Variants in KCNJ6 observed in about 807,000 individuals in gnomAD.
The protein encoded by KCNJ6 is potassium inwardly rectifying channel subfamily J member 6, also known as G protein-activated inward rectifier potassium channel 2.
KCNJ6 carries 9 observed loss-of-function variants against 34.2 expected under a neutral mutation model. That is an observed-to-expected ratio of 0.26 (90% CI 0.16 to 0.46). KCNJ6 has a LOEUF of 0.46. Among genes scored for constraint, KCNJ6 ranks in the 20% least tolerant of loss-of-function variants. KCNJ6 has a pLI of 1.00. For missense variants in KCNJ6, 236 were observed against 531.3 expected, an observed-to-expected ratio of 0.44 and a Z score of 5.46; for synonymous variants, 196 against 207.1, an observed-to-expected ratio of 0.95 and a Z score of 0.46.
At chr21:37,630,134 C>CTGTG (rs10527592) in intron 3 of KCNJ6, among the ~76,000 whole-genome samples, 2,992 of 144,216 alleles carry the variant, frequency 0.021, 105 homozygotes, top group African/African-American at 0.072. Flanking sequence ...GATGACATCT[C>CTGTG]TGTGTGTGTG....
chr21:37,646,479 C>G (rs1426581812), intron 3 of KCNJ6, among the ~76,000 whole-genome samples: 1 of 152,116 alleles, frequency 6.6e-6, no homozygotes, highest in Non-Finnish European at 1.5e-5. Context: ...CGAGCGGGAG[C>G]TGAGTAACAG....
At chr21:37,863,410 T>G (rs1332563829) in intron 1 of KCNJ6, among the ~76,000 whole-genome samples, 2 of 152,150 alleles carry the variant, frequency 1.3e-5, no homozygotes. Flanking sequence ...CAACTTTGAT[T>G]TATTGCAAAT....
chr21:37,736,926 A>G (rs2054916132), intron 2 of KCNJ6, among the ~76,000 whole-genome samples: 1 of 152,132 alleles, frequency 6.6e-6, no homozygotes, highest in Admixed American at 6.5e-5. Flanking sequence ...CTTAGACACG[A>G]GTTGCTGCGC....
chr21:37,851,776 C>T (rs1434208742), intron 1 of KCNJ6, among the ~76,000 whole-genome samples: 7 of 150,852 alleles, frequency 4.6e-5, no homozygotes, highest in African/African-American at 1.7e-4. Context: ...CTAAGCACAA[C>T]AAAAAAATCC....
intron 1 of KCNJ6, among the ~76,000 whole-genome samples, chr21:37,856,986 C>G (rs2055568574): frequency 6.6e-6 from 1 of 152,144 alleles, no homozygotes; most frequent in Non-Finnish European, 1.5e-5. Context: ...GCTTGTGGCT[C>G]TTCTGAGCCT....
chr21:37,793,638 G>A (rs2055227805), intron 2 of KCNJ6, among the ~76,000 whole-genome samples: 1 of 151,178 alleles, frequency 6.6e-6, no homozygotes, highest in Admixed American at 6.6e-5. Context: ...TGTGATGTGT[G>A]TTATTATTGC....
chr21:37,637,817 T>C (rs1240930245), intron 3 of KCNJ6, among the ~76,000 whole-genome samples: 1 of 152,206 alleles, frequency 6.6e-6, no homozygotes, highest in Non-Finnish European at 1.5e-5. Flanking sequence ...ATGTGTACGC[T>C]CTTTCTACAT....
At chr21:37,812,098 C>T (rs115502842) in intron 2 of KCNJ6, among the ~76,000 whole-genome samples, 295 of 152,220 alleles carry the variant, frequency 1.9e-3, no homozygotes, top group African/African-American at 6.9e-3. Flanking sequence ...TTCTGACCCC[C>T]GTGAAATTGG....
intron 2 of KCNJ6, among the ~76,000 whole-genome samples, chr21:37,753,136 C>T (rs1166677253): frequency 6.6e-6 from 1 of 152,136 alleles, no homozygotes; most frequent in Non-Finnish European, 1.5e-5. Context: ...CACAGGGTGG[C>T]AAATGCCTGC....
In KCNJ6 at chr21:37,916,127, C is replaced by T. The variant is rs1390094207; in HGVS notation, c.-271G>A. The T allele has an allele frequency of 6.6e-6, 1 of 152,482 alleles. No individual in the cohort carries two copies. Among genetic ancestry groups the T allele is most frequent in the Admixed American group, 6.5e-5 (1 of 15,290 alleles). The allele number at this position is 152,482 out of a possible 1,614,324, so 9.4% of individuals were successfully genotyped here. ...TTCCCGGCGTCCGCGGGTCTCCACC[C>T]CTCCGCCCGCCCAGCCTCTCCAGCC... On this transcript the variant is annotated 5_prime_UTR_variant, in exon 1 of 4. Transcript: ENST00000609713.
rs1163766022 is a variant in KCNJ6, at chr21:37,709,104, A to C, written c.946+5107T>G. ...TTAAAATTCATGTCAATGTCTACGT[A>C]ATTTAAAAATGAATTGATAACATTT... On this transcript the variant is annotated intron_variant, in intron 3 of 3. Coordinates refer to ENST00000609713, the MANE Select transcript of KCNJ6 (RefSeq NM_002240.5). Among the ~76,000 whole-genome samples, 9 of 151,728 alleles carry C rather than the reference A, an allele frequency of 5.9e-5. No homozygotes were observed. The South Asian group carries it at 1.3e-3, about 21-fold the overall frequency.
chr21:37,809,966 T>C (rs1452727883), intron 2 of KCNJ6, among the ~76,000 whole-genome samples: 1 of 152,218 alleles, frequency 6.6e-6, no homozygotes, highest in Non-Finnish European at 1.5e-5. Context: ...TTTATGTGAG[T>C]GAGAAATAGG....
At chr21:37,642,172 G>A (rs796203475) in intron 3 of KCNJ6, among the ~76,000 whole-genome samples, 22 of 152,320 alleles carry the variant, frequency 1.4e-4, no homozygotes, top group South Asian at 1.0e-3. Flanking sequence ...CATACACAGT[G>A]GGGATATCAG....
Position 37,615,550 on chromosome 21 carries a change from C to G in KCNJ6, c.*9609G>C, listed in dbSNP as rs1263778413. 1 of 152,112 alleles carries G rather than the reference C, an allele frequency of 6.6e-6. No homozygotes were observed. The highest frequency in any genetic ancestry group is 1.5e-5 in the Non-Finnish European group (1 of 68,030). The allele number at this position is 152,112 out of a possible 1,614,324, so 9.4% of individuals were successfully genotyped here. A position where few individuals can be genotyped will look rare whatever the true frequency, so the allele number is the denominator to read the frequency against. On this transcript the variant is annotated 3_prime_UTR_variant, in exon 4 of 4. Coordinates refer to ENST00000609713, the MANE Select transcript of KCNJ6 (RefSeq NM_002240.5). Reference sequence around the variant, plus strand: ...AGTTTCAGTGGTAAATTCCACTTTACCTTTTATGCCAATATAGGGGAGTCT... The same window carrying G: ...AGTTTCAGTGGTAAATTCCACTTTAGCTTTTATGCCAATATAGGGGAGTCT...
chr21:37,780,983 C>T (rs2055166596), intron 2 of KCNJ6, among the ~76,000 whole-genome samples: 1 of 152,166 alleles, frequency 6.6e-6, no homozygotes, highest in Admixed American at 6.6e-5. Flanking sequence ...CCTCATGTTC[C>T]AACAAAGGGT....
At chr21:37,823,587 A>T (rs906364460) in intron 2 of KCNJ6, among the ~76,000 whole-genome samples, 1 of 152,192 alleles carries the variant, frequency 6.6e-6, no homozygotes, top group African/African-American at 2.4e-5. Context: ...AGTGTTTGAC[A>T]TTTCCTCCTA....
chr21:37,756,782 A>C (rs1250274409), intron 2 of KCNJ6, among the ~76,000 whole-genome samples: 1 of 102,492 alleles, frequency 9.8e-6, no homozygotes, highest in Non-Finnish European at 1.9e-5. Context: ...CCAAGTGAGC[A>C]CTCCCTCACA....
intron 1 of KCNJ6, among the ~76,000 whole-genome samples, chr21:37,896,945 G>T (rs1188374399): frequency 2.6e-5 from 4 of 152,226 alleles, no homozygotes; most frequent in Non-Finnish European, 5.9e-5. Context: ...CAGCCAGGCT[G>T]CTGGGAATTC....
chr21:37,762,940 A>G (rs1209050951), intron 2 of KCNJ6, among the ~76,000 whole-genome samples: 1 of 152,172 alleles, frequency 6.6e-6, no homozygotes, highest in Non-Finnish European at 1.5e-5. Flanking sequence ...ACGATGTTCC[A>G]ATCTTGATTC....
Sources: gnomAD v4.1 joint callset for allele counts (sites outside exome capture counted in the v4.1 genomes callset) on GRCh38, gnomAD v4.1.1 for gene constraint, MANE v1.5 for transcripts, NCBI Gene and HGNC (gene_info 2026-07-23, HGNC 2026-07-21) for gene names.